QSOX2: variants seen among roughly 807,000 people sequenced by gnomAD.
QSOX2 encodes sulfhydryl oxidase 2.
QSOX2 carries 46 observed loss-of-function variants against 61.7 expected under a neutral mutation model. That is an observed-to-expected ratio of 0.75 (90% CI 0.59 to 0.95). The LOEUF (loss-of-function observed/expected upper bound fraction) is 0.95, where lower values mean the gene tolerates loss of function less well. Among genes scored for constraint, QSOX2 ranks in the 40% least tolerant of loss-of-function variants. The probability of loss-of-function intolerance (pLI) is 0.00; values close to 1 mark genes in which losing one functional copy is unlikely to be tolerated. For synonymous variants in QSOX2, 383 were observed against 388.4 expected (o/e 0.99, Z 0.16); for missense variants, 879 against 918.9 (o/e 0.96, Z 0.56).
In QSOX2 at chr9:136,218,758, C is replaced by T. The variant is rs777754229; in HGVS notation, c.1007G>A (p.Arg336Gln). ...DLESGLHYLL[R>Q]VELAAHKSLA... ...GGACTTGTGGGCTGCCAGCTCCACC[C>T]GCAGGAGGTAGTGTAGCCCTGACTC... Residue 336 changes from arginine (R) to glutamine (Q), a missense_variant, in exon 8 of 12, where the codon CGG (arginine) becomes CAG (glutamine). By Grantham distance (43) the Arg-to-Gln change is conservative. Transcript: ENST00000358701. 6.8e-6 allele frequency: 11 copies of T among 1,613,544 alleles called. No homozygotes were observed. The highest frequency in any genetic ancestry group is 3.3e-5 in the South Asian group (3 of 91,086).
chr9:136,213,723 G>A (rs1831876751), intron 10 of QSOX2, among the ~76,000 whole-genome samples: 2 of 152,194 alleles, frequency 1.3e-5, no homozygotes, highest in Admixed American at 1.3e-4. Context: ...TGGGTCAACA[G>A]GATGCGGCAG....
chr9:136,221,766 G>C lies in QSOX2; in HGVS notation c.821+30C>G. 1 of 1,563,854 alleles carries C rather than the reference G, an allele frequency of 6.4e-7. No homozygotes were observed. Among genetic ancestry groups the C allele is most frequent in the Non-Finnish European group, 8.7e-7 (1 of 1,151,452 alleles). On this transcript the variant is annotated intron_variant, in intron 6 of 11. Transcript: ENST00000358701. The surrounding 1 kb of genome is among the most constrained non-coding windows in gnomAD (Gnocchi z 4.5). ...TCTGTCCGGTAACTCCGAGCGGCAC[G>C]GAGTTCCCAGACCCCACCCGGGCAC...
intron 3 of QSOX2, 57 bp from the exon 4 acceptor site, chr9:136,224,169 CAT>C (rs1250428345): frequency 2.8e-6 from 4 of 1,406,506 alleles, no homozygotes; most frequent in Non-Finnish European, 3.0e-6. Context: ...GTGGGGCAGG[CAT>C]ACACCCAGGG....
chr9:136,214,236 A>C (rs896832208), intron 10 of QSOX2, among the ~76,000 whole-genome samples: 1 of 152,218 alleles, frequency 6.6e-6, no homozygotes, highest in Admixed American at 6.5e-5. Flanking sequence ...TCTATTTCCT[A>C]GTAATTGAAA....
Position 136,216,782 on chromosome 9 carries a change from C to T in QSOX2, c.1087-60G>A, listed in dbSNP as rs548778244. ...CCCAAACCCGGGCCCGCCCCCACCG[C>T]GGGGGGCACCGCACCTCCAAAGAGA... On this transcript the variant is annotated intron_variant, in intron 8 of 11. Transcript: ENST00000358701. The T allele has an allele frequency of 3.0e-5, 47 of 1,590,964 alleles. No individual in the cohort carries two copies. The South Asian group carries it at 3.3e-4, about 11-fold the overall frequency.
intron 1 of QSOX2, among the ~76,000 whole-genome samples, chr9:136,234,880 G>A (rs533888271): frequency 4.4e-5 from 3 of 68,214 alleles, no homozygotes; most frequent in South Asian, 7.3e-4. Flanking sequence ...ACACCCCAGC[G>A]ACCACAGGCG....
At chr9:136,216,485 C>G in intron 9 of QSOX2, 115 bp downstream of exon 9, 1 of 1,408,928 alleles carries the variant, frequency 7.1e-7, no homozygotes, top group Non-Finnish European at 9.7e-7. Context: ...GTCACTGCTC[C>G]CCTTCCTCAC....
chr9:136,228,880 G>A (rs1320524077), intron 1 of QSOX2, among the ~76,000 whole-genome samples: 1 of 152,180 alleles, frequency 6.6e-6, no homozygotes, highest in Admixed American at 6.5e-5. Flanking sequence ...TATAAATCAT[G>A]TAAAAAGAGT....
chr9:136,216,788 G>A lies in QSOX2; in HGVS notation c.1087-66C>T, dbSNP rs927103661. 2.1e-5 allele frequency: 34 copies of A among 1,583,840 alleles called. 1 individual carries two copies. The highest frequency in any genetic ancestry group is 4.5e-5 in the South Asian group (4 of 89,214). ...CCCGGGCCCGCCCCCACCGCGGGGG[G>A]CACCGCACCTCCAAAGAGAAGCACT... On this transcript the variant is annotated intron_variant, in intron 8 of 11. Transcript: ENST00000358701.
At chr9:136,211,473 C>T (rs1831844635) in intron 10 of QSOX2, 21 bp from the exon 11 acceptor site, 2 of 1,609,506 alleles carry the variant, frequency 1.2e-6, no homozygotes, top group African/African-American at 2.7e-5. Flanking sequence ...AGAAACACTG[C>T]TGACAACGGC....
chr9:136,210,001 A>G, intron 11 of QSOX2: 1 of 985,428 alleles, frequency 1.0e-6, no homozygotes, highest in Non-Finnish European at 1.2e-6. Flanking sequence ...GAGCTTCCAG[A>G]AGTGAATGTA....
intron 9 of QSOX2, among the ~76,000 whole-genome samples, chr9:136,215,775 G>C (rs1000314340): frequency 3.9e-5 from 6 of 152,204 alleles, no homozygotes; most frequent in African/African-American, 1.4e-4. Flanking sequence ...GGAGGGCTGA[G>C]AGCCCCAGGC....
chr9:136,244,555 T>C (rs905875243), intron 1 of QSOX2, among the ~76,000 whole-genome samples: 6 of 152,236 alleles, frequency 3.9e-5, no homozygotes, highest in Non-Finnish European at 8.8e-5. Flanking sequence ...ACATGTAATT[T>C]GAGGTTAGCA....
intron 1 of QSOX2, among the ~76,000 whole-genome samples, chr9:136,233,458 C>G (rs944459103): frequency 2.0e-5 from 3 of 152,348 alleles, no homozygotes; most frequent in Middle Eastern, 3.4e-3. Context: ...CTCAGGACGG[C>G]CAACACGGTG....
Position 136,209,713 on chromosome 9 carries a change from C to G in QSOX2, c.1550-438G>C. On this transcript the variant is annotated intron_variant, in intron 11 of 11. Transcript: ENST00000358701. The surrounding 1 kb of genome is among the most constrained non-coding windows in gnomAD (Gnocchi z 5.6). ...TGAGGGTGCACCTGAGGCCCACTACCTACAGAGCCCCGGCCACCTGGGTGC... is the reference window on the plus strand; with the variant it reads ...TGAGGGTGCACCTGAGGCCCACTACGTACAGAGCCCCGGCCACCTGGGTGC... The G allele has an allele frequency of 1.0e-6, 1 of 985,002 alleles. No homozygotes were observed. The highest frequency in any genetic ancestry group is 6.1e-5 in the Admixed American group (1 of 16,280). The allele number at this position is 985,002 out of a possible 1,614,324, so 61.0% of individuals were successfully genotyped here.
chr9:136,218,532 A>G, intron 8 of QSOX2, 147 bp downstream of exon 8: 1 of 931,544 alleles, frequency 1.1e-6, no homozygotes, highest in Non-Finnish European at 1.6e-6. Context: ...GGGTGGAATG[A>G]GTTGGGGCGT....
rs770371712 is a variant in QSOX2 at position 136,224,058 on chromosome 9, T to C, written c.533A>G (p.Asn178Ser). The C allele has an allele frequency of 1.9e-6, 3 of 1,613,918 alleles. No homozygotes were observed. Among genetic ancestry groups the C allele is most frequent in the Non-Finnish European group, 2.5e-6 (3 of 1,179,972 alleles). The change falls in exon 4 of 12, where the codon AAC (asparagine) becomes AGC (serine). Residue 178 changes from asparagine to serine, a missense_variant. Transcript: ENST00000358701. ...AGGGGGCCGGCTTCCTTCCGTGTGG[T>C]TCTGCAGGAAGTCAATCATCGTCTG... ...VRQTMIDFLQNHTEGSRPPAC... is the reference protein window; with the variant it reads ...VRQTMIDFLQSHTEGSRPPAC...
rs940834166 is a variant in QSOX2, at chr9:136,206,689, C to T, written c.*2039G>A. ...CCCCACCGACGCTCTGCTGAAAATC[C>T]TGCCCCTCAGCAGGACGCAAGCTTG... On this transcript the variant is annotated 3_prime_UTR_variant, in exon 12 of 12. Transcript: ENST00000358701. 6.6e-6 allele frequency: 1 copy of T among 152,372 alleles called. No individual in the cohort carries two copies. Among genetic ancestry groups the T allele is most frequent in the Non-Finnish European group, 1.5e-5 (1 of 68,056 alleles). 9.4% of individuals were successfully genotyped at this position (152,372 alleles called of 1,614,324 possible).
chr9:136,223,751 C>T lies in QSOX2; in HGVS notation c.675+12G>A, dbSNP rs759131398. On this transcript the variant is annotated intron_variant, in intron 5 of 11. Coordinates refer to ENST00000358701, the MANE Select transcript of QSOX2 (RefSeq NM_181701.4). This position sits in a 1 kb window ranked among gnomAD's most constrained non-coding sequence, Gnocchi z 4.4. ...CCACGTGTGACACCTGGAGCCCACG[C>T]AGAGGCCGTACCTCCCGTCCAAGGT... is the stretch of plus-strand genomic sequence containing the variant. 19 of 1,611,954 alleles carry T rather than the reference C, an allele frequency of 1.2e-5. No individual in the cohort carries two copies. In the South Asian group the frequency reaches 2.1e-4, roughly 18 times the overall value.
Sources: allele counts gnomAD v4.1 joint callset (sites outside exome capture counted in the v4.1 genomes callset), GRCh38; gene constraint gnomAD v4.1.1; non-coding constraint Gnocchi (gnomAD v3.1); transcripts MANE v1.5; gene names NCBI Gene and HGNC (gene_info 2026-07-23, HGNC 2026-07-21).